The following ANK2 variants were observed in gnomAD, a reference collection of about 807,000 sequenced individuals.
ANK2 encodes ankyrin 2, also known as ankyrin-2.
A neutral mutation model predicts 360.5 loss-of-function variants in ANK2; 83 were observed. That is an observed-to-expected ratio of 0.23 (90% confidence interval 0.19 to 0.28). The LOEUF is 0.28. Among genes scored for constraint, ANK2 ranks in the 10% least tolerant of loss-of-function variants. The pLI is 1.00. For synonymous variants in ANK2, 1,740 were observed against 1,759.5 expected, an observed-to-expected ratio of 0.99 and a Z score of 0.28; for missense variants, 4,201 against 4,795.7, an observed-to-expected ratio of 0.88 and a Z score of 3.66.
At chr4:113,049,564 G>A (rs1461445571), upstream of ANK2, 1 of 1,369,292 alleles carries the variant, frequency 7.3e-7, no homozygotes, top group East Asian at 2.7e-5. Context: ...AACAGTTGTG[G>A]CAGCTGCTGC....
At position 113,121,361 on chromosome 4, in the gene ANK2, A is replaced by T. The variant is rs142389023; in HGVS notation, c.85-53055A>T. On this transcript the variant is annotated intron_variant, in intron 1 of 45. Coordinates refer to ENST00000357077, the MANE Select transcript of ANK2 (RefSeq NM_001148.6). ...GGTCTTGTACCTACACTGGGTGTAGATTATAAGGAAATCACTTATTCCACC... is the reference window on the plus strand; with the variant it reads ...GGTCTTGTACCTACACTGGGTGTAGTTTATAAGGAAATCACTTATTCCACC... 3.0e-4 allele frequency among the ~76,000 whole-genome samples: 45 copies of T among 152,314 alleles called. No individual in the cohort carries two copies. The East Asian group carries it at 4.2e-3, about 14-fold the overall frequency.
chr4:113,106,364 T>C (rs2093628598), intron 1 of ANK2, among the ~76,000 whole-genome samples: 1 of 152,188 alleles, frequency 6.6e-6, no homozygotes, highest in Non-Finnish European at 1.5e-5. Flanking sequence ...AAGCAGCAGA[T>C]CCTTTTCTTA....
intron 2 of ANK2, among the ~76,000 whole-genome samples, chr4:112,989,711 G>A (rs2046104907): frequency 6.6e-6 from 1 of 152,180 alleles, no homozygotes; most frequent in Non-Finnish European, 1.5e-5. Flanking sequence ...AGAATGGCAG[G>A]AAGTCAGGGA....
chr4:113,332,173 C>A, intron 28 of ANK2, 103 bp downstream of exon 28: 1 of 1,036,582 alleles, frequency 9.6e-7, no homozygotes, highest in Non-Finnish European at 1.5e-6. Context: ...TGACATGTCC[C>A]TTTCTATGAT....
chr4:113,116,843 T>A (rs368466095), intron 1 of ANK2: 2 of 172,344 alleles, frequency 1.2e-5, no homozygotes, highest in East Asian at 1.6e-4. Context: ...CTGGCTCCAG[T>A]CAGAAGACAC....
chr4:112,823,315 C>T (rs975351775), intron 1 of ANK2, among the ~76,000 whole-genome samples: 1 of 152,066 alleles, frequency 6.6e-6, no homozygotes, highest in Admixed American at 6.5e-5. Context: ...TGAGTGGTTT[C>T]AAAAAGAATA....
chr4:112,881,649 T>G (rs2076719456), intron 1 of ANK2: 1 of 420,302 alleles, frequency 2.4e-6, no homozygotes, highest in Non-Finnish European at 4.3e-6. Flanking sequence ...TGCTTTACAC[T>G]TTCCACAGAA....
At chr4:113,113,796 C>T (rs541964369) in intron 1 of ANK2, among the ~76,000 whole-genome samples, 2 of 152,294 alleles carry the variant, frequency 1.3e-5, no homozygotes, top group South Asian at 4.1e-4. Context: ...ATGAGCTACT[C>T]TCTTTCCTCA....
chr4:113,124,985 T>G (rs2095578612), intron 1 of ANK2, among the ~76,000 whole-genome samples: 1 of 152,198 alleles, frequency 6.6e-6, no homozygotes. Flanking sequence ...AAATCAGAGA[T>G]ATGACAATCA....
chr4:113,056,725 C>T (rs2070115785), intron 1 of ANK2, among the ~76,000 whole-genome samples: 1 of 152,102 alleles, frequency 6.6e-6, no homozygotes, highest in Admixed American at 6.6e-5. Context: ...GAAATTCATG[C>T]CTACATCCCA....
intron 4 of ANK2, among the ~76,000 whole-genome samples, chr4:113,219,618 C>T (rs1007715198): frequency 3.2e-4 from 48 of 152,216 alleles, no homozygotes; most frequent in Non-Finnish European, 1.2e-4. Context: ...TACTTTCTTA[C>T]TGAAAATGAT....
intron 21 of ANK2, chr4:113,293,231 C>G: frequency 1.5e-6 from 1 of 685,658 alleles, no homozygotes; most frequent in Non-Finnish European, 2.7e-6. Context: ...CAGATGCAAG[C>G]TTGTTGTGTT....
chr4:113,011,643 T>A (rs576770343), intron 2 of ANK2, among the ~76,000 whole-genome samples: 5 of 152,246 alleles, frequency 3.3e-5, no homozygotes, highest in African/African-American at 1.2e-4. Context: ...TGACTCCCTG[T>A]CTCTGGTGAC....
intron 1 of ANK2, among the ~76,000 whole-genome samples, chr4:112,839,916 C>T (rs1039682776): frequency 6.6e-6 from 1 of 152,098 alleles, no homozygotes; most frequent in Non-Finnish European, 1.5e-5. Flanking sequence ...CTTAAAAATG[C>T]CTATTTGTAA....
At chr4:113,286,243 T>G (rs892936876) in intron 18 of ANK2, among the ~76,000 whole-genome samples, 1 of 152,232 alleles carries the variant, frequency 6.6e-6, no homozygotes, top group Non-Finnish European at 1.5e-5. Context: ...TGTTTTATCC[T>G]AATATTCACA....
At chr4:112,971,228 A>G (rs1240442997) in intron 2 of ANK2, among the ~76,000 whole-genome samples, 2 of 152,220 alleles carry the variant, frequency 1.3e-5, no homozygotes, top group Non-Finnish European at 2.9e-5. Context: ...TTGCTGAATT[A>G]GATGTAAAAT....
intron 1 of ANK2, among the ~76,000 whole-genome samples, chr4:113,148,348 A>T (rs896779037): frequency 1.3e-5 from 2 of 152,200 alleles, no homozygotes; most frequent in African/African-American, 2.4e-5. Context: ...GAGCAAAACC[A>T]TAGATGCGAT....
At chr4:113,157,307 A>G (rs761751272) in intron 1 of ANK2, among the ~76,000 whole-genome samples, 7 of 152,212 alleles carry the variant, frequency 4.6e-5, no homozygotes, top group Non-Finnish European at 8.8e-5. Flanking sequence ...ACTCAGGGAG[A>G]TATGTCAATA....
intron 2 of ANK2, among the ~76,000 whole-genome samples, chr4:113,000,000 A>G (rs2050050640): frequency 6.6e-6 from 1 of 152,172 alleles, no homozygotes; most frequent in Non-Finnish European, 1.5e-5. Context: ...AGACAGATTA[A>G]CACAAGAAAA....
Sources: gnomAD v4.1 joint callset for allele counts (sites outside exome capture counted in the v4.1 genomes callset) on GRCh38, gnomAD v4.1.1 for gene constraint, MANE v1.5 for transcripts, NCBI Gene and HGNC (gene_info 2026-07-23, HGNC 2026-07-21) for gene names.